SLC4A10: variants seen among roughly 807,000 people sequenced by gnomAD.
SLC4A10 encodes solute carrier family 4 member 10.
SLC4A10 carries 42 observed loss-of-function variants against 137.7 expected under a neutral mutation model. The ratio of observed to expected loss-of-function variants is 0.30; its 90% CI spans 0.24 to 0.39. SLC4A10 has a LOEUF of 0.39. Among genes scored for constraint, SLC4A10 ranks in the 10% least tolerant of loss-of-function variants. The pLI is 1.00. For synonymous variants in SLC4A10, 474 were observed against 464.1 expected (o/e 1.02, Z -0.27); for missense variants, 925 against 1,355.0 (o/e 0.68, Z 4.98).
chr2:161,939,638 C>A (rs1009782710), intron 15 of SLC4A10, among the ~76,000 whole-genome samples: 2 of 152,146 alleles, frequency 1.3e-5, no homozygotes, highest in African/African-American at 4.8e-5. Context: ...CTCCCCACCC[C>A]CAACTCCGTT....
At chr2:161,965,022 A>T in intron 22 of SLC4A10, 29 bp from the exon 23 acceptor site, 2 of 1,587,634 alleles carry the variant, frequency 1.3e-6, no homozygotes, top group Non-Finnish European at 1.7e-6. Flanking sequence ...TTTTTTTTCC[A>T]CTTTAAACTA....
At chr2:161,941,416 C>T (rs905588274) in intron 15 of SLC4A10, among the ~76,000 whole-genome samples, 1 of 152,074 alleles carries the variant, frequency 6.6e-6, no homozygotes, top group Non-Finnish European at 1.5e-5. Flanking sequence ...CATATTCAAC[C>T]GGCTATTGGA....
At chr2:161,732,106 C>T (rs1421561839) in intron 1 of SLC4A10, among the ~76,000 whole-genome samples, 1 of 152,178 alleles carries the variant, frequency 6.6e-6, no homozygotes, top group Non-Finnish European at 1.5e-5. Context: ...TCCAAGTGCT[C>T]AGCTATTCAG....
At chr2:161,700,475 C>T (rs1227692079) in intron 1 of SLC4A10, among the ~76,000 whole-genome samples, 1 of 152,100 alleles carries the variant, frequency 6.6e-6, no homozygotes, top group African/African-American at 2.4e-5. Context: ...TGTACTTTAT[C>T]TCCTACATTT....
At chr2:161,935,475 G>C (rs1691416396) in intron 15 of SLC4A10, among the ~76,000 whole-genome samples, 1 of 152,030 alleles carries the variant, frequency 6.6e-6, no homozygotes, top group African/African-American at 2.4e-5. Flanking sequence ...TGTTAGTATG[G>C]ATATTTTAAA....
chr2:161,830,143 A>C (rs1338427235), intron 3 of SLC4A10, among the ~76,000 whole-genome samples: 3 of 150,142 alleles, frequency 2.0e-5, no homozygotes, highest in Middle Eastern at 6.9e-3. Flanking sequence ...CAAGGAATGC[A>C]TATTGTAGGA....
intron 15 of SLC4A10, among the ~76,000 whole-genome samples, chr2:161,920,599 G>A (rs1282892460): frequency 1.3e-5 from 2 of 152,244 alleles, no homozygotes; most frequent in Middle Eastern, 3.4e-3. Context: ...GCATTATTTT[G>A]TAATTTCTTT....
chr2:161,653,930 G>A (rs1481295488), intron 1 of SLC4A10, among the ~76,000 whole-genome samples: 1 of 152,142 alleles, frequency 6.6e-6, no homozygotes, highest in African/African-American at 2.4e-5. Flanking sequence ...GGGATTGCTG[G>A]ATTATATTCT....
intron 1 of SLC4A10, among the ~76,000 whole-genome samples, chr2:161,682,270 G>A (rs1192586494): frequency 6.6e-6 from 1 of 152,196 alleles, no homozygotes; most frequent in African/African-American, 2.4e-5. Context: ...ATTTAATCCA[G>A]AGTTGTAAAA....
At chr2:161,745,959 T>C (rs946177107) in intron 1 of SLC4A10, among the ~76,000 whole-genome samples, 1 of 152,160 alleles carries the variant, frequency 6.6e-6, no homozygotes, top group Non-Finnish European at 1.5e-5. Flanking sequence ...TAGGCTGAGC[T>C]GCCTAAAGTT....
chr2:161,740,894 T>C (rs1364306314), intron 1 of SLC4A10, among the ~76,000 whole-genome samples: 1 of 152,192 alleles, frequency 6.6e-6, no homozygotes, highest in Admixed American at 6.5e-5. Flanking sequence ...TGTTTTAATA[T>C]ACATAGTGAA....
At chr2:161,737,067 C>T (rs2047421911) in intron 1 of SLC4A10, among the ~76,000 whole-genome samples, 1 of 151,916 alleles carries the variant, frequency 6.6e-6, no homozygotes, top group Non-Finnish European at 1.5e-5. Flanking sequence ...CCGTGTTACC[C>T]AGGTTGGTCT....
intron 1 of SLC4A10, among the ~76,000 whole-genome samples, chr2:161,723,283 G>C (rs998320352): frequency 6.6e-6 from 1 of 152,158 alleles, no homozygotes; most frequent in Non-Finnish European, 1.5e-5. Context: ...TCCCTTGGCT[G>C]GGGGTGGGAG....
At chr2:161,969,867 G>A (rs539811369) in intron 23 of SLC4A10, among the ~76,000 whole-genome samples, 1 of 152,160 alleles carries the variant, frequency 6.6e-6, no homozygotes, top group African/African-American at 2.4e-5. Flanking sequence ...GGGAAGCATG[G>A]CCAAATTATT....
chr2:161,932,823 TCTTGAGAGTTGGAG>T lies in SLC4A10; in HGVS notation c.1998-9966_1998-9953del, dbSNP rs1690648348. Among the ~76,000 whole-genome samples the T allele has an allele frequency of 5.3e-5, 8 of 152,266 alleles. No homozygotes were observed. In the South Asian group the frequency reaches 8.4e-4, roughly 16 times the overall value. Reference sequence around the variant, plus strand: ...TCAAGTACTTTTCTTTAATGCCATTTCTTGAGAGTTGGAGCTACAGTTGCTCTAGATGTGTCTAG... The same window carrying T: ...TCAAGTACTTTTCTTTAATGCCATTTCTACAGTTGCTCTAGATGTGTCTAG... On this transcript the variant is annotated intron_variant, in intron 15 of 26. Coordinates refer to ENST00000446997, the MANE Select transcript of SLC4A10 (RefSeq NM_001178015.2).
intron 1 of SLC4A10, among the ~76,000 whole-genome samples, chr2:161,721,347 T>G (rs1416564553): frequency 6.6e-6 from 1 of 152,184 alleles, no homozygotes; most frequent in African/African-American, 2.4e-5. Flanking sequence ...TTTAGTGCTT[T>G]TCTCAGGAGC....
chr2:161,739,931 C>T (rs954459232), intron 1 of SLC4A10, among the ~76,000 whole-genome samples: 1 of 152,142 alleles, frequency 6.6e-6, no homozygotes, highest in South Asian at 2.1e-4. Context: ...ATGAACCTCT[C>T]AAATTTCCAT....
At chr2:161,770,128 G>A (rs1242915261) in intron 1 of SLC4A10, among the ~76,000 whole-genome samples, 1 of 151,612 alleles carries the variant, frequency 6.6e-6, no homozygotes, top group African/African-American at 2.4e-5. Flanking sequence ...TTCACCTTTT[G>A]TGCTCAGTGT....
At chr2:161,967,584 A>G (rs552762446) in intron 23 of SLC4A10, among the ~76,000 whole-genome samples, 1 of 152,232 alleles carries the variant, frequency 6.6e-6, no homozygotes, top group South Asian at 2.1e-4. Flanking sequence ...TCCTGATTTA[A>G]TCCACCCCTA....
Sources: gnomAD v4.1 joint callset for allele counts (sites outside exome capture counted in the v4.1 genomes callset) on GRCh38, gnomAD v4.1.1 for gene constraint, MANE v1.5 for transcripts, NCBI Gene and HGNC (gene_info 2026-07-23, HGNC 2026-07-21) for gene names.